The following NDUFA10 variants were observed in gnomAD, a reference collection of about 807,000 sequenced individuals.
NDUFA10 encodes the protein NADH:ubiquinone oxidoreductase subunit A10.
A neutral mutation model predicts 47.8 loss-of-function variants in NDUFA10; 40 were observed. The observed-to-expected ratio is 0.84, with a 90% CI of 0.65 to 1.09. The LOEUF (loss-of-function observed/expected upper bound fraction) is 1.09, where lower values mean the gene tolerates loss of function less well. Among genes scored for constraint, NDUFA10 ranks in the 50% least tolerant of loss-of-function variants. NDUFA10 has a pLI of 0.00. For missense variants in NDUFA10, 413 were observed against 451.1 expected (o/e 0.92, Z 0.76); for synonymous variants, 183 against 172.2 (o/e 1.06, Z -0.49).
intron 3 of NDUFA10, among the ~76,000 whole-genome samples, chr2:240,020,146 C>A (rs1697559882): frequency 6.6e-6 from 1 of 152,238 alleles, no homozygotes; most frequent in Non-Finnish European, 1.5e-5. Context: ...CGGCTCCTAG[C>A]TCAGCTCTGA....
In NDUFA10 at chr2:240,007,299, T is replaced by C. The variant is rs747417121; in HGVS notation, c.804+17A>G. On this transcript the variant is annotated intron_variant, in intron 7 of 9. Transcript: ENST00000252711. ...CAAATGTAGGAATAACTTTCAACTT[T>C]TCAACCATTTTCTTACCTTTTTTGA... 4.5e-6 allele frequency: 7 copies of C among 1,564,042 alleles called. No individual in the cohort carries two copies. In the Admixed American group the frequency reaches 8.4e-5, roughly 19 times the overall value.
At chr2:239,965,444 C>T (rs1234623546) in intron 9 of NDUFA10, among the ~76,000 whole-genome samples, 3 of 152,206 alleles carry the variant, frequency 2.0e-5, no homozygotes, top group African/African-American at 7.2e-5. Context: ...TCATTCATCA[C>T]ATGAGAAAAC....
chr2:239,982,377 C>G (rs544427068), intron 9 of NDUFA10, among the ~76,000 whole-genome samples: 6 of 152,268 alleles, frequency 3.9e-5, no homozygotes, highest in Non-Finnish European at 8.8e-5. Context: ...TTTCTTCTAA[C>G]GTGTAATTAT....
chr2:239,911,680 C>CGTGTGTGTGT (rs112686987), intron 4 of NDUFA10, among the ~76,000 whole-genome samples: 5 of 149,850 alleles, frequency 3.3e-5, no homozygotes, highest in African/African-American at 4.9e-5. Context: ...AGTGTGTGTG[C>CGTGTGTGTGT]GTGTGTGTGT....
chr2:239,972,748 G>A (rs1381205136), intron 9 of NDUFA10, among the ~76,000 whole-genome samples: 2 of 152,112 alleles, frequency 1.3e-5, no homozygotes, highest in Non-Finnish European at 2.9e-5. Flanking sequence ...TTGTTGCAAT[G>A]AGTATTAACA....
intron 4 of NDUFA10, among the ~76,000 whole-genome samples, chr2:239,905,267 C>T (rs912758449): frequency 1.4e-4 from 22 of 152,324 alleles, no homozygotes; most frequent in Middle Eastern, 6.8e-3. Context: ...TTGGCCACCA[C>T]ATGGAAGGAC....
intron 4 of NDUFA10, among the ~76,000 whole-genome samples, chr2:239,923,137 C>G (rs10197756): frequency 0.47 from 71,860 of 152,062 alleles, 17,945 homozygotes; most frequent in African/African-American, 0.66. Flanking sequence ...ATCCAAAATA[C>G]ATAGCCACTG....
chr2:239,971,917 A>C (rs1245547375), intron 9 of NDUFA10, among the ~76,000 whole-genome samples: 4 of 152,140 alleles, frequency 2.6e-5, no homozygotes, highest in Non-Finnish European at 5.9e-5. Flanking sequence ...ATATATAGTA[A>C]AGGTATGTTG....
rs1054245819 is a variant in NDUFA10, at chr2:239,960,683, T to A, written c.*435A>T. 8 of 1,133,080 alleles carry A rather than the reference T, an allele frequency of 7.1e-6. No individual in the cohort carries two copies. The African/African-American group carries it at 1.3e-4, about 18-fold the overall frequency. The allele number at this position is 1,133,080 out of a possible 1,614,324, so 70.2% of individuals were successfully genotyped here. ...ACCAAACAGGGCCCAGAGCAGCGTG[T>A]GTGCACGTGTGCAGTTTCGACGTGC... On this transcript the variant is annotated 3_prime_UTR_variant, in exon 10 of 10. Transcript: ENST00000252711.
chr2:239,982,908 G>A (rs1040474598), intron 9 of NDUFA10, among the ~76,000 whole-genome samples: 11 of 152,070 alleles, frequency 7.2e-5, no homozygotes, highest in African/African-American at 1.2e-4. Flanking sequence ...GCTGTCTGTC[G>A]GGTGGCCAGA....
At position 239,958,484 on chromosome 2, in the gene NDUFA10, T is replaced by A. The variant is rs1694722523; in HGVS notation, c.*2634A>T. On this transcript the variant is annotated 3_prime_UTR_variant, in exon 10 of 10. Transcript: ENST00000252711. ...TCAATTGAAGCGGCGTAACTGAAGG[T>A]CCCTGGGTCCACCTGTGGCCTGGAG... 6.6e-6 allele frequency: 1 copy of A among 152,204 alleles called. No individual in the cohort carries two copies. The highest frequency in any genetic ancestry group is 2.4e-5 in the African/African-American group (1 of 41,438). The allele number at this position is 152,204 out of a possible 1,614,324, so 9.4% of individuals were successfully genotyped here.
chr2:240,021,241 C>A lies in NDUFA10; in HGVS notation c.416G>T (p.Arg139Leu). The change falls in exon 3 of 10, where the codon CGC (arginine) becomes CTC (leucine). Residue 139 changes from arginine (R) to leucine (L), a missense_variant. Physicochemically the swap from Arg to Leu is moderately radical, Grantham distance 102 (BLOSUM62 -2). Transcript: ENST00000252711. Reference protein sequence around the residue: ...YRLQSWLYSSRLLQYSDALEH... With the variant: ...YRLQSWLYSSLLLQYSDALEH... ...CAAGGCATCTGAGTACTGCAGCAGG[C>A]GACTGCTGTACAACCAGGACTGCAG... 2 of 1,614,222 alleles carry A rather than the reference C, an allele frequency of 1.2e-6. No individual in the cohort carries two copies. Among genetic ancestry groups the A allele is most frequent in the Non-Finnish European group, 1.7e-6 (2 of 1,180,046 alleles).
chr2:239,992,323 C>T (rs193289749), intron 8 of NDUFA10, among the ~76,000 whole-genome samples: 14 of 152,178 alleles, frequency 9.2e-5, no homozygotes, highest in African/African-American at 3.1e-4. Context: ...TGCTGGGACA[C>T]GTATTTTAAA....
At chr2:239,921,205 T>C (rs753162378) in intron 4 of NDUFA10, among the ~76,000 whole-genome samples, 2 of 152,046 alleles carry the variant, frequency 1.3e-5, no homozygotes, top group African/African-American at 2.4e-5. Flanking sequence ...CTGCACCTCA[T>C]TGGGCCCAAC....
At chr2:240,004,468 C>A (rs530772148) in intron 8 of NDUFA10, among the ~76,000 whole-genome samples, 14 of 149,884 alleles carry the variant, frequency 9.3e-5, no homozygotes, top group South Asian at 2.1e-4. Flanking sequence ...AGAAAACCCA[C>A]CAAACGCACC....
intron 5 of NDUFA10, among the ~76,000 whole-genome samples, chr2:239,894,648 C>T (rs141726956): frequency 9.9e-5 from 15 of 152,212 alleles, no homozygotes; most frequent in African/African-American, 2.4e-4. Context: ...ACAGTCCCCA[C>T]GCCAGCTTCT....
downstream of NDUFA10, among the ~76,000 whole-genome samples, chr2:239,954,814 G>GGTGGCGCT (rs71045921): frequency 0.65 from 98,522 of 151,578 alleles, 32,973 homozygotes; most frequent in African/African-American, 0.82. Context: ...CCCCCAAGTG[G>GGTGGCGCT]GTTGGCAGGT....
chr2:239,910,644 C>A (rs562072579), intron 4 of NDUFA10, among the ~76,000 whole-genome samples: 1 of 152,166 alleles, frequency 6.6e-6, no homozygotes, highest in South Asian at 2.1e-4. Context: ...ATGATGTGTG[C>A]AGCAAACCAC....
intron 1 of NDUFA10, 111 bp downstream of exon 1, chr2:240,025,116 G>T: frequency 8.8e-7 from 1 of 1,137,216 alleles, no homozygotes; most frequent in Non-Finnish European, 1.2e-6. Context: ...CCCACCCGGA[G>T]AGCGACCTGG....
Sources: gnomAD v4.1 joint callset for allele counts (sites outside exome capture counted in the v4.1 genomes callset) on GRCh38, gnomAD v4.1.1 for gene constraint, MANE v1.5 for transcripts, NCBI Gene and HGNC (gene_info 2026-07-23, HGNC 2026-07-21) for gene names.